The following ORC4 variants were observed in gnomAD, a reference collection of about 807,000 sequenced individuals.
The protein encoded by ORC4 is origin recognition complex subunit 4, also known as origin recognition complex, subunit 4 homolog.
Under a neutral mutation model 63.9 loss-of-function variants are expected in ORC4, and 55 were observed. That is an observed-to-expected ratio of 0.86 (90% confidence interval 0.69 to 1.08). The LOEUF (loss-of-function observed/expected upper bound fraction) is 1.08, where lower values mean the gene tolerates loss of function less well. Ranked by LOEUF, ORC4 falls within the 50% of genes least tolerant of loss-of-function variation. The probability of loss-of-function intolerance (pLI) is 0.00; values close to 1 mark genes in which losing one functional copy is unlikely to be tolerated. For missense variants in ORC4, 511 were observed against 504.4 expected (o/e 1.01, Z -0.13); for synonymous variants, 150 against 168.5 (o/e 0.89, Z 0.85).
At chr2:147,976,051 TAAAATA>T in intron 1 of ORC4, 76 bp from the exon 2 acceptor site, 1 of 794,564 alleles carries the variant, frequency 1.3e-6, no homozygotes, top group South Asian at 1.4e-5. Flanking sequence ...GTTCTAGAAT[TAAAATA>T]AATACAAGTT....
At chr2:147,984,939 C>T (rs569262011) in intron 1 of ORC4, among the ~76,000 whole-genome samples, 1 of 152,250 alleles carries the variant, frequency 6.6e-6, no homozygotes, top group South Asian at 2.1e-4. Flanking sequence ...ACTGAGGTGG[C>T]TTATTTATTG....
intron 4 of ORC4, among the ~76,000 whole-genome samples, chr2:147,970,774 G>T (rs1042886670): frequency 2.0e-5 from 3 of 152,126 alleles, no homozygotes; most frequent in Non-Finnish European, 4.4e-5. Context: ...GTTTGGTGAT[G>T]AAGCTTCAGA....
chr2:148,007,313 C>G (rs747697085), intron 1 of ORC4, among the ~76,000 whole-genome samples: 35 of 152,232 alleles, frequency 2.3e-4, no homozygotes, highest in South Asian at 4.1e-4. Flanking sequence ...ATGGGAAATT[C>G]AAAATAGCGG....
intron 5 of ORC4, 187 bp from the exon 6 acceptor site, chr2:147,958,570 T>TAAAA: frequency 2.2e-6 from 1 of 451,052 alleles, no homozygotes. Flanking sequence ...TTAGAATGAT[T>TAAAA]AAAAAAAAAA....
chr2:147,969,897 G>T (rs1396456975), intron 4 of ORC4, among the ~76,000 whole-genome samples: 2 of 151,966 alleles, frequency 1.3e-5, no homozygotes, highest in Non-Finnish European at 2.9e-5. Context: ...GAAGTATGGA[G>T]ATAGGGAAGG....
At chr2:147,959,917 G>A (rs576793641) in intron 4 of ORC4, among the ~76,000 whole-genome samples, 32 of 152,238 alleles carry the variant, frequency 2.1e-4, no homozygotes, top group African/African-American at 7.5e-4. Flanking sequence ...TCTGGATCAG[G>A]TCAGACACTA....
rs1320163274 is a variant in ORC4 at position 147,938,139 on chromosome 2, ATC to A, written c.1122+5_1122+6del. ...CTGTAGAAAAATGACAGCAAACTAA[ATC>A]TTACCTTCATGACAACAGGTTTTTC... On this transcript the variant is annotated splice_donor_5th_base_variant and intron_variant, in intron 13 of 13. Coordinates refer to ENST00000392857, the MANE Select transcript of ORC4 (RefSeq NM_181741.4). The A allele has an allele frequency of 4.4e-6, 7 of 1,594,108 alleles. No homozygotes were observed. Among genetic ancestry groups the A allele is most frequent in the Non-Finnish European group, 6.0e-6 (7 of 1,162,500 alleles).
At chr2:147,993,238 T>G (rs1408129916) in intron 1 of ORC4, among the ~76,000 whole-genome samples, 1 of 152,202 alleles carries the variant, frequency 6.6e-6, no homozygotes, top group Admixed American at 6.5e-5. Flanking sequence ...CCTATTAATC[T>G]GCCTTTTTTC....
intron 1 of ORC4, among the ~76,000 whole-genome samples, chr2:147,980,677 C>T (rs528681858): frequency 6.6e-6 from 1 of 152,150 alleles, no homozygotes; most frequent in South Asian, 2.1e-4. Flanking sequence ...CATTTCACAC[C>T]TGCTAGGAAG....
At chr2:147,947,020 A>G (rs1322728391) in intron 9 of ORC4, among the ~76,000 whole-genome samples, 1 of 152,068 alleles carries the variant, frequency 6.6e-6, no homozygotes, top group East Asian at 1.9e-4. Flanking sequence ...ACTATATTTT[A>G]TAATCAAACA....
At position 147,931,977 on chromosome 2, in the gene ORC4, A is replaced by AAAT. The variant is rs1354422955; in HGVS notation, c.*3530_*3532dup. ...GCCAGGGCAATTAGGCAGGAGAAGG[A>AAAT]AATAAAGGGTATTCAATTAGGAAAA... On this transcript the variant is annotated 3_prime_UTR_variant, in exon 14 of 14. Coordinates refer to ENST00000392857, the MANE Select transcript of ORC4 (RefSeq NM_181741.4). 2 of 152,048 alleles carry AAAT rather than the reference A, an allele frequency of 1.3e-5. No homozygotes were observed. The highest frequency in any genetic ancestry group is 2.4e-5 in the African/African-American group (1 of 41,382). 9.4% of individuals were successfully genotyped at this position (152,048 alleles called of 1,614,324 possible).
chr2:148,007,022 T>C (rs898980293), intron 1 of ORC4, among the ~76,000 whole-genome samples: 1 of 152,198 alleles, frequency 6.6e-6, no homozygotes, highest in African/African-American at 2.4e-5. Context: ...CAGGACTGTG[T>C]ATGTAGGAGT....
At chr2:148,005,833 G>A (rs1290372870) in intron 1 of ORC4, among the ~76,000 whole-genome samples, 1 of 151,932 alleles carries the variant, frequency 6.6e-6, no homozygotes. Flanking sequence ...AAAATTAGCT[G>A]GGCATGGTGG....
At chr2:147,983,667 T>C (rs1691021006) in intron 1 of ORC4, among the ~76,000 whole-genome samples, 1 of 152,190 alleles carries the variant, frequency 6.6e-6, no homozygotes, top group South Asian at 2.1e-4. Context: ...TGCCCTGTTG[T>C]CATAGAAAAA....
At chr2:148,008,313 G>GA (rs1458376799) in intron 1 of ORC4, among the ~76,000 whole-genome samples, 2 of 152,160 alleles carry the variant, frequency 1.3e-5, no homozygotes, top group East Asian at 3.9e-4. Context: ...TATATTGTTA[G>GA]AAGAGTTCTA....
At chr2:147,964,024 A>C (rs1220364663) in intron 4 of ORC4, among the ~76,000 whole-genome samples, 1 of 152,180 alleles carries the variant, frequency 6.6e-6, no homozygotes, top group Non-Finnish European at 1.5e-5. Context: ...CCTGAGGCGT[A>C]TCAATCAACA....
At position 147,932,933 on chromosome 2, in the gene ORC4, A is replaced by T. The variant is rs1687850045; in HGVS notation, c.*2577T>A. 2 of 152,124 alleles carry T rather than the reference A, an allele frequency of 1.3e-5. No homozygotes were observed. Among genetic ancestry groups the T allele is most frequent in the South Asian group, 4.1e-4 (2 of 4,834 alleles). 9.4% of individuals were successfully genotyped at this position (152,124 alleles called of 1,614,324 possible). On this transcript the variant is annotated 3_prime_UTR_variant, in exon 14 of 14. Coordinates refer to ENST00000392857, the MANE Select transcript of ORC4 (RefSeq NM_181741.4). ...CAAAACGTGATTCATTAGGACATTA[A>T]CAGGTATTACGTTTTCAACATATAC...
chr2:148,020,597 C>G (rs1693651312), intron 1 of ORC4, 36 bp downstream of exon 1: 1 of 152,334 alleles, frequency 6.6e-6, no homozygotes, highest in East Asian at 1.9e-4. Context: ...CAAGTTTACC[C>G]CCACCATTAC....
intron 1 of ORC4, among the ~76,000 whole-genome samples, chr2:147,990,812 T>C (rs892219210): frequency 2.6e-5 from 4 of 152,222 alleles, no homozygotes; most frequent in Non-Finnish European, 5.9e-5. Context: ...TGCCATGATA[T>C]TTTCTCATTG....
Sources: gnomAD v4.1 joint callset for allele counts (sites outside exome capture counted in the v4.1 genomes callset) on GRCh38, gnomAD v4.1.1 for gene constraint, MANE v1.5 for transcripts, NCBI Gene and HGNC (gene_info 2026-07-23, HGNC 2026-07-21) for gene names.